DYNLRB1: variants seen among roughly 807,000 people sequenced by gnomAD.
DYNLRB1 encodes ROBL/LC7-like 1.
Under a neutral mutation model 13.5 loss-of-function variants are expected in DYNLRB1, and 6 were observed. That is an observed-to-expected ratio of 0.44 (90% CI 0.24 to 0.88). The LOEUF (loss-of-function observed/expected upper bound fraction) is 0.88, where lower values mean the gene tolerates loss of function less well. Ranked by LOEUF, DYNLRB1 falls within the 40% of genes least tolerant of loss-of-function variation. The probability of loss-of-function intolerance (pLI) is 0.21; values close to 1 mark genes in which losing one functional copy is unlikely to be tolerated. For synonymous variants in DYNLRB1, 43 were observed against 45.0 expected (o/e 0.96, Z 0.18); for missense variants, 93 against 127.2 (o/e 0.73, Z 1.29).
intron 2 of DYNLRB1, chr20:34,530,121 C>T (rs1412230952): frequency 3.3e-6 from 4 of 1,229,100 alleles, no homozygotes; most frequent in Non-Finnish European, 4.1e-6. Flanking sequence ...CAGCTGTGAC[C>T]CCCAGGCTTC....
At chr20:34,526,510 T>TTTTTTG in intron 2 of DYNLRB1, 167 bp downstream of exon 2, 1 of 566,972 alleles carries the variant, frequency 1.8e-6, no homozygotes, top group Admixed American at 3.3e-5. Context: ...TTTTTTTTCA[T>TTTTTTG]TAAGGCTAGT....
At chr20:34,535,990 CA>C in intron 3 of DYNLRB1, 2 of 985,292 alleles carry the variant, frequency 2.0e-6, no homozygotes, top group Non-Finnish European at 2.4e-6. Context: ...AGCAGACCAG[CA>C]TAGGTTCTGT....
At chr20:34,521,652 G>C (rs142975486) in intron 1 of DYNLRB1, among the ~76,000 whole-genome samples, 1 of 152,244 alleles carries the variant, frequency 6.6e-6, no homozygotes, top group African/African-American at 2.4e-5. Flanking sequence ...CCATGTGTCA[G>C]GAATGTGCAT....
chr20:34,533,395 A>G (rs1980863439), intron 2 of DYNLRB1: 1 of 833,442 alleles, frequency 1.2e-6, no homozygotes, highest in African/African-American at 1.8e-5. Flanking sequence ...GTACAAACAT[A>G]GAAACATGCT....
upstream of DYNLRB1, among the ~76,000 whole-genome samples, chr20:34,516,052 C>T (rs1290088475): frequency 6.6e-6 from 1 of 152,114 alleles, no homozygotes; most frequent in African/African-American, 2.4e-5. Context: ...GCCACCACGC[C>T]CGGCTAATTT....
At chr20:34,515,666 C>A (rs2146604284), upstream of DYNLRB1, among the ~76,000 whole-genome samples, 1 of 152,236 alleles carries the variant, frequency 6.6e-6, no homozygotes, top group South Asian at 2.1e-4. Flanking sequence ...CCAGCCCCAC[C>A]CCAGGCCTGC....
intron 3 of DYNLRB1, chr20:34,536,591 A>G (rs1291035068): frequency 1.2e-4 from 67 of 551,224 alleles, no homozygotes; most frequent in Non-Finnish European, 1.5e-4. Flanking sequence ...CTAAAAATAA[A>G]AAAATTAGCT....
At chr20:34,535,662 G>A (rs1322166607) in intron 3 of DYNLRB1, 4 of 985,238 alleles carry the variant, frequency 4.1e-6, no homozygotes, top group South Asian at 4.7e-5. Context: ...GTGTGCGTGC[G>A]TCACGTATGC....
chr20:34,522,469 CTTTTTT>C (rs771811577), intron 1 of DYNLRB1, among the ~76,000 whole-genome samples: 9 of 77,212 alleles, frequency 1.2e-4, no homozygotes, highest in African/African-American at 2.2e-4. Flanking sequence ...TTTTCTTTTT[CTTTTTT>C]TTTTTTTTTT....
At chr20:34,534,469 T>G (rs1028580723) in intron 2 of DYNLRB1, among the ~76,000 whole-genome samples, 159 bp from the exon 3 acceptor site, 7 of 151,978 alleles carry the variant, frequency 4.6e-5, no homozygotes, top group Non-Finnish European at 8.8e-5. Flanking sequence ...ACTGGCATGC[T>G]TCGGGTGCTC....
intron 1 of DYNLRB1, among the ~76,000 whole-genome samples, chr20:34,518,622 G>GT (rs1157627027): frequency 6.7e-6 from 1 of 148,734 alleles, no homozygotes; most frequent in African/African-American, 2.5e-5. Context: ...TAATTTTTTT[G>GT]TATTTTTTTT....
upstream of DYNLRB1, among the ~76,000 whole-genome samples, chr20:34,515,863 G>A (rs1365976761): frequency 6.6e-6 from 1 of 152,018 alleles, no homozygotes; most frequent in Non-Finnish European, 1.5e-5. Flanking sequence ...AGCACTGAAA[G>A]CCTCTTCCGA....
chr20:34,534,274 C>G (rs774598605), intron 2 of DYNLRB1, among the ~76,000 whole-genome samples: 1 of 152,320 alleles, frequency 6.6e-6, no homozygotes, highest in Middle Eastern at 3.4e-3. Flanking sequence ...GAGCTAGTCT[C>G]TCCTTTTACT....
intron 1 of DYNLRB1, among the ~76,000 whole-genome samples, chr20:34,524,384 A>G (rs1600542243): frequency 6.6e-6 from 1 of 152,220 alleles, no homozygotes; most frequent in East Asian, 1.9e-4. Flanking sequence ...TGGATGTTCC[A>G]TAATCTACTT....
chr20:34,540,872 G>A lies in DYNLRB1; in HGVS notation c.*248G>A, dbSNP rs187275978. The A allele has an allele frequency of 8.6e-5, 40 of 463,182 alleles. 1 individual carries two copies. The highest frequency in any genetic ancestry group is 6.1e-4 in the African/African-American group (30 of 49,458). The allele number at this position is 463,182 out of a possible 1,614,324, so 28.7% of individuals were successfully genotyped here. On this transcript the variant is annotated 3_prime_UTR_variant, in exon 4 of 4. Coordinates refer to ENST00000357156, the MANE Select transcript of DYNLRB1 (RefSeq NM_014183.4). ...TGGAGCAAGAGCTTGCAGGAAGCCC[G>A]CACCCAGCTTCCTTCTGACCTTCAG... is the stretch of plus-strand genomic sequence containing the variant.
chr20:34,531,009 T>G (rs1568601983), intron 2 of DYNLRB1: 1 of 152,216 alleles, frequency 6.6e-6, no homozygotes, highest in Admixed American at 6.5e-5. Context: ...TTAAGCAGCT[T>G]TACCGAAAAC....
At chr20:34,529,671 A>G (rs985972514) in intron 2 of DYNLRB1, among the ~76,000 whole-genome samples, 9 of 151,312 alleles carry the variant, frequency 5.9e-5, no homozygotes, top group African/African-American at 1.2e-4. Flanking sequence ...AGAGGTTGCA[A>G]TGAGCCGAGA....
At chr20:34,520,087 C>A (rs890220620) in intron 1 of DYNLRB1, among the ~76,000 whole-genome samples, 7 of 152,058 alleles carry the variant, frequency 4.6e-5, no homozygotes, top group African/African-American at 1.7e-4. Flanking sequence ...CGAGACCAGG[C>A]CAGTGCACTC....
rs1395596625 is a variant in DYNLRB1, at chr20:34,536,484, C to T, written c.247+1689C>T. 10 of 985,394 alleles carry T rather than the reference C, an allele frequency of 1.0e-5. No homozygotes were observed. In the African/African-American group the frequency reaches 1.0e-4, roughly 10 times the overall value. 61.0% of individuals were successfully genotyped at this position (985,394 alleles called of 1,614,324 possible). A position where few individuals can be genotyped will look rare whatever the true frequency, so the allele number is the denominator to read the frequency against. On this transcript the variant is annotated intron_variant, in intron 3 of 3. Coordinates refer to ENST00000357156, the MANE Select transcript of DYNLRB1 (RefSeq NM_014183.4). ...GGCCGGGATGGAGCGCAGTGGCTCA[C>T]GCCTGTAATCCCAGCACTTTGGGAG...
Sources: allele counts gnomAD v4.1 joint callset (sites outside exome capture counted in the v4.1 genomes callset), GRCh38; gene constraint gnomAD v4.1.1; transcripts MANE v1.5; gene names NCBI Gene and HGNC (gene_info 2026-07-23, HGNC 2026-07-21).